The following CLTC variants were observed in gnomAD, a reference collection of about 807,000 sequenced individuals.
CLTC encodes the protein clathrin heavy chain 1.
In CLTC, 16 loss-of-function variants were observed where a neutral mutation model predicts 195.8. That is an observed-to-expected ratio of 0.08 (90% CI 0.06 to 0.12). CLTC has a LOEUF of 0.12. Among genes scored for constraint, CLTC ranks in the 10% least tolerant of loss-of-function variants. CLTC has a pLI of 1.00. For missense variants in CLTC, 796 were observed against 2,027.0 expected (o/e 0.39, Z 11.66); for synonymous variants, 667 against 689.4 (o/e 0.97, Z 0.51).
chr17:59,687,073 A>AAAACATCATGCAAATTCC, intron 30 of CLTC: 1 of 936,600 alleles, frequency 1.1e-6, no homozygotes, highest in Non-Finnish European at 1.3e-6. Flanking sequence ...AGTCTAAGGA[A>AAAACATCATGCAAATTCC]TTTGCATGAT....
chr17:59,669,839 G>A (rs1165749646), intron 14 of CLTC, among the ~76,000 whole-genome samples: 2 of 152,052 alleles, frequency 1.3e-5, no homozygotes, highest in Admixed American at 1.3e-4. Flanking sequence ...ACACAGTATA[G>A]AAAGTAGGCT....
chr17:59,624,554 C>G (rs1413959152), intron 1 of CLTC, among the ~76,000 whole-genome samples: 1 of 149,892 alleles, frequency 6.7e-6, no homozygotes, highest in African/African-American at 2.5e-5. Flanking sequence ...CAGCAACCTC[C>G]ACCTGCCAGG....
chr17:59,683,036 G>A lies in CLTC; in HGVS notation c.3873+22G>A. On this transcript the variant is annotated intron_variant, in intron 24 of 31. Transcript: ENST00000269122. This position sits in a 1 kb window ranked among gnomAD's most constrained non-coding sequence, Gnocchi z 6.1. The stretch of plus-strand genomic sequence containing the variant: ...TCAGGTATTAACGAGACTTTTATAT[G>A]ACCTGAGATCTTTTACCATAGATAT... 6.2e-7 allele frequency: 1 copy of A among 1,613,464 alleles called. No individual in the cohort carries two copies. Among genetic ancestry groups the A allele is most frequent in the East Asian group, 2.2e-5 (1 of 44,866 alleles).
At chr17:59,642,067 C>A (rs373756709) in intron 1 of CLTC, among the ~76,000 whole-genome samples, 1 of 148,352 alleles carries the variant, frequency 6.7e-6, no homozygotes, top group Non-Finnish European at 1.5e-5. Flanking sequence ...CTAACTGATG[C>A]AGCGTGTTTT....
chr17:59,677,640 A>G (rs748883547), intron 17 of CLTC, among the ~76,000 whole-genome samples: 2 of 152,228 alleles, frequency 1.3e-5, no homozygotes, highest in Admixed American at 6.5e-5. Flanking sequence ...AATCTGTTCT[A>G]TTCTAGTTTT....
chr17:59,632,469 G>A (rs913306309), intron 1 of CLTC, among the ~76,000 whole-genome samples: 3 of 151,612 alleles, frequency 2.0e-5, no homozygotes, highest in African/African-American at 7.3e-5. Flanking sequence ...AAATTAAAAG[G>A]GCTTAGTGTT....
chr17:59,685,456 T>C lies in CLTC; in HGVS notation c.4606-131T>C, dbSNP rs2033164312. On this transcript the variant is annotated intron_variant, in intron 29 of 31. Coordinates refer to ENST00000269122, the MANE Select transcript of CLTC (RefSeq NM_004859.4). The surrounding 1 kb of genome is among the most constrained non-coding windows in gnomAD (Gnocchi z 5.0). ...TCTTCTTTGAAAATTTTAATTTAAA[T>C]GATACAACTAGGAGGCTTTTTTCCC... is the stretch of plus-strand genomic sequence containing the variant. 1.1e-6 allele frequency: 1 copy of C among 897,260 alleles called. No individual in the cohort carries two copies. The highest frequency in any genetic ancestry group is 1.7e-5 in the African/African-American group (1 of 58,658). 55.6% of individuals were successfully genotyped at this position (897,260 alleles called of 1,614,324 possible). A position where few individuals can be genotyped will look rare whatever the true frequency, so the allele number is the denominator to read the frequency against.
rs1317414543 is a variant in CLTC at position 59,681,728 on chromosome 17, C to T, written c.3331C>T (p.Leu1111Phe). 6.2e-7 allele frequency: 1 copy of T among 1,614,062 alleles called. No individual in the cohort carries two copies. Among genetic ancestry groups the T allele is most frequent in the Non-Finnish European group, 8.5e-7 (1 of 1,179,960 alleles). Reference sequence around the variant, plus strand: ...CAATGAACCTGCGGTCTGGAGTCAACTTGCAAAAGCCCAGTTGCAGAAAGG... The same window carrying T: ...CAATGAACCTGCGGTCTGGAGTCAATTTGCAAAAGCCCAGTTGCAGAAAGG... ...RCNEPAVWSQ[L>F]AKAQLQKGMV... The change falls in exon 21 of 32, where the codon CTT (leucine) becomes TTT (phenylalanine). Residue 1111 changes from leucine (L) to phenylalanine (F), a missense_variant. Transcript: ENST00000269122. This position sits in a 1 kb window ranked among gnomAD's most constrained non-coding sequence, Gnocchi z 5.0.
In CLTC at chr17:59,682,716, A is replaced by G; in HGVS notation, c.3688A>G (p.Thr1230Ala). The G allele has an allele frequency of 1.2e-6, 2 of 1,614,098 alleles. No homozygotes were observed. Among genetic ancestry groups the G allele is most frequent in the Non-Finnish European group, 1.7e-6 (2 of 1,180,000 alleles). The change falls in exon 23 of 32, where the codon ACC becomes GCC. Residue 1230 changes from threonine to alanine, a missense_variant. Thr to Ala is a moderately conservative substitution (Grantham distance 58, BLOSUM62 0). This residue lies in a region of CLTC where 102 missense variants were observed against 317.6 expected (regional missense o/e 0.32). Coordinates refer to ENST00000269122, the MANE Select transcript of CLTC (RefSeq NM_004859.4). The surrounding 1 kb of genome is among the most constrained non-coding windows in gnomAD (Gnocchi z 6.8). ...NVSNFGRLASTLVHLGEYQAA... is the reference protein window; with the variant it reads ...NVSNFGRLASALVHLGEYQAA... Reference sequence around the variant, plus strand: ...TTCCAATTTTGGACGTTTGGCATCTACCCTGGTTCACCTGGGTGAATATCA... The same window carrying G: ...TTCCAATTTTGGACGTTTGGCATCTGCCCTGGTTCACCTGGGTGAATATCA...
At position 59,695,229 on chromosome 17, in the gene CLTC, A is replaced by G. The variant is rs559605589; in HGVS notation, c.*1377A>G. The G allele has an allele frequency of 8.0e-5, 16 of 199,090 alleles. No individual in the cohort carries two copies. The East Asian group carries it at 1.1e-3, about 14-fold the overall frequency. The allele number at this position is 199,090 out of a possible 1,614,324, so 12.3% of individuals were successfully genotyped here. A position where few individuals can be genotyped will look rare whatever the true frequency, so the allele number is the denominator to read the frequency against. The stretch of plus-strand genomic sequence containing the variant: ...CTTGCTTATGGCTGAGAATGTTCCT[A>G]AAGTTCATTTCACTATCCCTTAATC... On this transcript the variant is annotated 3_prime_UTR_variant, in exon 32 of 32. Transcript: ENST00000269122.
chr17:59,644,944 T>C (rs1441187313), intron 2 of CLTC, among the ~76,000 whole-genome samples: 1 of 152,252 alleles, frequency 6.6e-6, no homozygotes, highest in Non-Finnish European at 1.5e-5. Context: ...GATCTGCTAA[T>C]ACCGAACTTG....
At chr17:59,670,867 T>G (rs1263964056) in intron 14 of CLTC, 1 of 152,140 alleles carries the variant, frequency 6.6e-6, no homozygotes, top group Non-Finnish European at 1.5e-5. Context: ...AAGCCTGATA[T>G]AGTAGGGGTG....
chr17:59,626,812 T>G (rs2031566979), intron 1 of CLTC, among the ~76,000 whole-genome samples: 1 of 152,224 alleles, frequency 6.6e-6, no homozygotes, highest in South Asian at 2.1e-4. Context: ...AAATGTGTTA[T>G]GCAAAACCCA....
chr17:59,637,568 A>G (rs2031903246), intron 1 of CLTC, among the ~76,000 whole-genome samples: 1 of 149,186 alleles, frequency 6.7e-6, no homozygotes, highest in African/African-American at 2.5e-5. Flanking sequence ...AAAAAAAAAA[A>G]AATTTTTTTT....
At position 59,648,440 on chromosome 17, in the gene CLTC, G is replaced by T. The variant is rs1258642348; in HGVS notation, c.681+39G>T. The T allele has an allele frequency of 8.9e-6, 14 of 1,566,322 alleles. No individual in the cohort carries two copies. Among genetic ancestry groups the T allele is most frequent in the Non-Finnish European group, 1.1e-5 (13 of 1,148,698 alleles). Reference sequence around the variant, plus strand: ...TTGGTAATTATTTTAATGAGAACTTGTATTTGGCTTTCTGCTATGAATTAG... The same window carrying T: ...TTGGTAATTATTTTAATGAGAACTTTTATTTGGCTTTCTGCTATGAATTAG... On this transcript the variant is annotated intron_variant, in intron 4 of 31. Coordinates refer to ENST00000269122, the MANE Select transcript of CLTC (RefSeq NM_004859.4). This position sits in a 1 kb window ranked among gnomAD's most constrained non-coding sequence, Gnocchi z 4.5.
At chr17:59,665,660 G>A (rs1449001463) in intron 10 of CLTC, among the ~76,000 whole-genome samples, 6 of 152,068 alleles carry the variant, frequency 3.9e-5, no homozygotes, top group African/African-American at 9.7e-5. Flanking sequence ...CCAATATAGC[G>A]AAACCCTGTC....
chr17:59,651,344 T>C (rs759034143), intron 5 of CLTC, 28 bp downstream of exon 5: 21 of 1,436,696 alleles, frequency 1.5e-5, no homozygotes, highest in Non-Finnish European at 2.0e-5. Flanking sequence ...AATGACTTTT[T>C]AAAAATCTCT....
In CLTC at chr17:59,696,608, G is replaced by A. The variant is rs574252079; in HGVS notation, c.*2756G>A. On this transcript the variant is annotated 3_prime_UTR_variant, in exon 32 of 32. Coordinates refer to ENST00000269122, the MANE Select transcript of CLTC (RefSeq NM_004859.4). ...CTCTGCCTCATATTCTGGGTAACTG[G>A]TATAACATAGTAATTATTAGGATTG... 27 of 212,390 alleles carry A rather than the reference G, an allele frequency of 1.3e-4. No homozygotes were observed. The highest frequency in any genetic ancestry group is 2.5e-4 in the Non-Finnish European group (26 of 105,020). The allele number at this position is 212,390 out of a possible 1,614,324, so 13.2% of individuals were successfully genotyped here.
Position 59,690,718 on chromosome 17 carries a change from T to G in CLTC, c.4903+7T>G, listed in dbSNP as rs1220370811. ...ACACAACCCATTGTTTATGGTAATCTCTCTCTGTAACCTCAAAAAATTCAT... is the reference window on the plus strand; with the variant it reads ...ACACAACCCATTGTTTATGGTAATCGCTCTCTGTAACCTCAAAAAATTCAT... On this transcript the variant is annotated splice_region_variant and intron_variant, in intron 31 of 31. Coordinates refer to ENST00000269122, the MANE Select transcript of CLTC (RefSeq NM_004859.4). The G allele has an allele frequency of 6.2e-7, 1 of 1,602,764 alleles. No individual in the cohort carries two copies. Among genetic ancestry groups the G allele is most frequent in the Non-Finnish European group, 8.5e-7 (1 of 1,171,240 alleles).
Sources: gnomAD v4.1 joint callset for allele counts (sites outside exome capture counted in the v4.1 genomes callset) on GRCh38, gnomAD v4.1.1 for gene constraint, gnomAD v4.1.1 regional missense constraint, Gnocchi (gnomAD v3.1) non-coding constraint, MANE v1.5 for transcripts, NCBI Gene and HGNC (gene_info 2026-07-23, HGNC 2026-07-21) for gene names.